RPL7L1: variants seen among roughly 807,000 people sequenced by gnomAD.
RPL7L1 encodes the protein ribosomal protein L7 like 1, also known as ribosomal protein uL30-like.
RPL7L1 carries 20 observed loss-of-function variants against 30.3 expected under a neutral mutation model. The observed-to-expected ratio is 0.66, with a 90% CI of 0.46 to 0.96. The LOEUF is 0.96. RPL7L1 is among the 40% of genes least tolerant of loss of function. The pLI, the probability that RPL7L1 is intolerant of heterozygous loss-of-function variation, is 0.00. For synonymous variants in RPL7L1, 107 were observed against 110.1 expected (o/e 0.97, Z 0.18); for missense variants, 271 against 314.9 (o/e 0.86, Z 1.05).
At chr6:42,880,073 A>C in intron 1 of RPL7L1, 122 bp downstream of exon 1, 2 of 1,015,850 alleles carry the variant, frequency 2.0e-6, no homozygotes, top group Non-Finnish European at 3.1e-6. Flanking sequence ...CACAGTTTAC[A>C]AAGGGTGGGG....
intron 3 of RPL7L1, chr6:42,884,059 C>T (rs1216208767): frequency 6.4e-6 from 1 of 157,040 alleles, no homozygotes; most frequent in African/African-American, 2.4e-5. Context: ...CCCTGCCCAC[C>T]CCATGTACAA....
Position 42,884,766 on chromosome 6 carries a change from C to T in RPL7L1, c.449+16C>T, listed in dbSNP as rs556843727. On this transcript the variant is annotated intron_variant, in intron 4 of 5. Coordinates refer to ENST00000493763, the MANE Select transcript of RPL7L1 (RefSeq NM_001366481.3). ...TGACCTGGGGGTAAGTAAGGTTTTCCATGTGAATTCACATTAGATTTCTAT... is the reference window on the plus strand; with the variant it reads ...TGACCTGGGGGTAAGTAAGGTTTTCTATGTGAATTCACATTAGATTTCTAT... The T allele has an allele frequency of 6.8e-6, 11 of 1,607,098 alleles. No homozygotes were observed. In the East Asian group the frequency reaches 1.1e-4, roughly 16 times the overall value.
rs1766350824 is a variant in RPL7L1, at chr6:42,888,278, A to G, written c.*1814A>G. 1 of 152,190 alleles carries G rather than the reference A, an allele frequency of 6.6e-6. No individual in the cohort carries two copies. Among genetic ancestry groups the G allele is most frequent in the Admixed American group, 6.5e-5 (1 of 15,276 alleles). The allele number at this position is 152,190 out of a possible 1,614,324, so 9.4% of individuals were successfully genotyped here. The stretch of plus-strand genomic sequence containing the variant: ...CAAGTGATTCTGCCTCAGCCCCTTG[A>G]TCAGCTGGGATTACATGCATGTACC... On this transcript the variant is annotated 3_prime_UTR_variant, in exon 6 of 6. Coordinates refer to ENST00000493763, the MANE Select transcript of RPL7L1 (RefSeq NM_001366481.3).
chr6:42,885,079 C>T (rs901507976), intron 4 of RPL7L1, among the ~76,000 whole-genome samples: 4 of 152,174 alleles, frequency 2.6e-5, no homozygotes, highest in African/African-American at 7.2e-5. Context: ...CCTGTAATCC[C>T]AACACTTTGG....
intron 2 of RPL7L1, chr6:42,882,259 G>A (rs558031883): frequency 6.7e-6 from 1 of 149,296 alleles, no homozygotes; most frequent in African/African-American, 2.5e-5. Context: ...TACTTTTTAC[G>A]GTTATTTTTC....
Position 42,886,431 on chromosome 6 carries a change from A to C in RPL7L1, c.735A>C (p.Glu245Asp), listed in dbSNP as rs777216441. The C allele has an allele frequency of 6.3e-7, 1 of 1,581,962 alleles. No homozygotes were observed. Among genetic ancestry groups the C allele is most frequent in the African/African-American group, 1.3e-5 (1 of 74,384 alleles). The change falls in exon 6 of 6, where the codon GAA (glutamate) becomes GAC (aspartate). Residue 245 changes from glutamate to aspartate, a missense_variant. Transcript: ENST00000493763. Reference protein sequence around the residue: ...KEMGTPGYRGERINQLIRQLN With the variant: ...KEMGTPGYRGDRINQLIRQLN ...TGGGCACACCTGGCTATCGGGGTGA[A>C]CGCATCAATCAGCTCATCCGTCAGC...
chr6:42,882,219 G>A (rs1011771849), intron 2 of RPL7L1: 7 of 151,488 alleles, frequency 4.6e-5, no homozygotes, highest in African/African-American at 1.7e-4. Flanking sequence ...AGCTAATACA[G>A]TGTACATAAT....
chr6:42,885,815 G>A, intron 4 of RPL7L1, 159 bp from the exon 5 acceptor site: 1 of 582,824 alleles, frequency 1.7e-6, no homozygotes, highest in Non-Finnish European at 3.1e-6. Flanking sequence ...TTTATCAGGA[G>A]TATTTCCAAG....
In RPL7L1 at chr6:42,879,866, A is replaced by G. The variant is rs1766003396; in HGVS notation, c.-45A>G. The stretch of plus-strand genomic sequence containing the variant: ...GCTAGAACAGACGTCTCTATGGTCA[A>G]GTAAACAGAGCGTGTGCTGTCTTCC... On this transcript the variant is annotated 5_prime_UTR_variant, in exon 1 of 6. Transcript: ENST00000493763. The G allele has an allele frequency of 3.1e-6, 5 of 1,608,126 alleles. No individual in the cohort carries two copies. Among genetic ancestry groups the G allele is most frequent in the African/African-American group, 2.7e-5 (2 of 74,806 alleles).
intron 4 of RPL7L1, among the ~76,000 whole-genome samples, chr6:42,885,192 CA>C (rs367686588): frequency 3.3e-5 from 5 of 151,388 alleles, no homozygotes; most frequent in Non-Finnish European, 4.4e-5. Flanking sequence ...TACTAAAATA[CA>C]AAAAAAATTA....
intron 4 of RPL7L1, 50 bp downstream of exon 4, chr6:42,884,800 G>T: frequency 6.4e-7 from 1 of 1,568,180 alleles, no homozygotes. Context: ...ATTTGAGTGT[G>T]TCAGGGTGCA....
At position 42,889,696 on chromosome 6, in the gene RPL7L1, G is replaced by GTAACCTGTGTGC. The variant is rs1766402737; in HGVS notation, c.*3232_*3233insTAACCTGTGTGC. On this transcript the variant is annotated 3_prime_UTR_variant, in exon 6 of 6. Transcript: ENST00000493763. ...TTTCCACTCTGTCCATAAAATGGGA[G>GTAACCTGTGTGC]CTAATATTCTCCAACCTGTGTGCCT... 1 of 152,282 alleles carries GTAACCTGTGTGC rather than the reference G, an allele frequency of 6.6e-6. No homozygotes were observed. The highest frequency in any genetic ancestry group is 1.5e-5 in the Non-Finnish European group (1 of 68,046). 9.4% of individuals were successfully genotyped at this position (152,282 alleles called of 1,614,324 possible).
In RPL7L1 at chr6:42,879,897, T is replaced by G; in HGVS notation, c.-14T>G. On this transcript the variant is annotated 5_prime_UTR_variant, in exon 1 of 6. Transcript: ENST00000493763. Reference sequence around the variant, plus strand: ...CAGAGCGTGTGCTGTCTTCCCCATGTGGTGGGGTTGCGCATGATCAGTAGC... The same window carrying G: ...CAGAGCGTGTGCTGTCTTCCCCATGGGGTGGGGTTGCGCATGATCAGTAGC... 2 of 1,613,476 alleles carry G rather than the reference T, an allele frequency of 1.2e-6. No homozygotes were observed. The highest frequency in any genetic ancestry group is 1.7e-6 in the Non-Finnish European group (2 of 1,179,594).
At position 42,886,992 on chromosome 6, in the gene RPL7L1, C is replaced by CGG. The variant is rs796795164; in HGVS notation, c.*529_*530dup. 1 of 89,100 alleles carries CGG rather than the reference C, an allele frequency of 1.1e-5. No individual in the cohort carries two copies. The highest frequency in any genetic ancestry group is 6.7e-5 in the African/African-American group (1 of 14,830). 5.5% of individuals were successfully genotyped at this position (89,100 alleles called of 1,614,324 possible). ...TGGGCGACAGAGCGAGACTCCATCT[C>CGG]GGAAAAAAAAAAAAAAAAACTATTG... On this transcript the variant is annotated 3_prime_UTR_variant, in exon 6 of 6. Coordinates refer to ENST00000493763, the MANE Select transcript of RPL7L1 (RefSeq NM_001366481.3).
chr6:42,881,150 C>G (rs1033684971), intron 2 of RPL7L1, 184 bp downstream of exon 2: 8 of 518,822 alleles, frequency 1.5e-5, no homozygotes, highest in East Asian at 3.7e-5. Flanking sequence ...AAATCTCAGA[C>G]TGCTGAAGTC....
At chr6:42,881,467 A>AAAAT (rs71547820) in intron 2 of RPL7L1, 29,183 of 151,812 alleles carry the variant, frequency 0.19, 2,976 homozygotes, top group Middle Eastern at 0.27. Flanking sequence ...ACTCTCTCAA[A>AAAAT]AAATAAATAA....
chr6:42,885,606 G>A (rs950814318), intron 4 of RPL7L1: 3 of 177,058 alleles, frequency 1.7e-5, no homozygotes, highest in African/African-American at 7.1e-5. Context: ...CTCAAACATT[G>A]AAACCCAACA....
At chr6:42,883,742 A>T in intron 3 of RPL7L1, 128 bp downstream of exon 3, 1 of 673,856 alleles carries the variant, frequency 1.5e-6, no homozygotes, top group Non-Finnish European at 2.4e-6. Context: ...GTCAGGGTTG[A>T]GCACAATTTA....
intron 1 of RPL7L1, 107 bp downstream of exon 1, chr6:42,880,058 A>G: frequency 1.8e-6 from 2 of 1,137,768 alleles, no homozygotes; most frequent in Non-Finnish European, 1.3e-6. Flanking sequence ...AGGAATAGAA[A>G]AGGCCACAGT....
Sources: gnomAD v4.1 joint callset for allele counts (sites outside exome capture counted in the v4.1 genomes callset) on GRCh38, gnomAD v4.1.1 for gene constraint, MANE v1.5 for transcripts, NCBI Gene and HGNC (gene_info 2026-07-23, HGNC 2026-07-21) for gene names.